The following FGF2 variants were observed in gnomAD, a reference collection of about 807,000 sequenced individuals.
FGF2 encodes fibroblast growth factor 2, also known as basic fibroblast growth factor bFGF.
In FGF2, 13 loss-of-function variants were observed where a neutral mutation model predicts 15.9. That is an observed-to-expected ratio of 0.82 (90% confidence interval 0.53 to 1.30). The LOEUF (loss-of-function observed/expected upper bound fraction) is 1.30. Among genes scored for constraint, FGF2 ranks in the 50% most tolerant of loss-of-function variants. The pLI, the probability that FGF2 is intolerant of heterozygous loss-of-function variation, is 0.00. For missense variants in FGF2, 163 were observed against 196.9 expected, an observed-to-expected ratio of 0.83 and a Z score of 1.03; for synonymous variants, 90 against 78.4, an observed-to-expected ratio of 1.15 and a Z score of -0.78.
chr4:122,889,763 G>T (rs1727131292), intron 2 of FGF2, among the ~76,000 whole-genome samples: 2 of 151,902 alleles, frequency 1.3e-5, no homozygotes, highest in Non-Finnish European at 2.9e-5. Context: ...TAAGCTGTGG[G>T]TTCTATCATG....
At chr4:122,842,907 A>T (rs1266887247) in intron 1 of FGF2, among the ~76,000 whole-genome samples, 2 of 152,186 alleles carry the variant, frequency 1.3e-5, no homozygotes, top group Non-Finnish European at 2.9e-5. Context: ...TTTGTAACTC[A>T]CCTTAAATAT....
At chr4:122,883,054 G>A (rs901155313) in intron 2 of FGF2, 2 of 152,192 alleles carry the variant, frequency 1.3e-5, no homozygotes, top group Non-Finnish European at 2.9e-5. Context: ...ATGCAGATGT[G>A]CCTCGTAACT....
rs1462015966 is a variant in FGF2 at position 122,896,158 on chromosome 4, AGTT to A, written c.*3768_*3770del. 7 of 151,754 alleles carry A rather than the reference AGTT, an allele frequency of 4.6e-5. No individual in the cohort carries two copies. In the South Asian group the frequency reaches 1.0e-3, roughly 23 times the overall value. The allele number at this position is 151,754 out of a possible 1,614,324, so 9.4% of individuals were successfully genotyped here. On this transcript the variant is annotated 3_prime_UTR_variant, in exon 3 of 3. Coordinates refer to ENST00000644866, the MANE Select transcript of FGF2 (RefSeq NM_001361665.2). ...GGCATATATGATCTCTGGGTAGGTGAGTTGTTGTGACAACCACAAGCACTTTTT... is the reference window on the plus strand; with the variant it reads ...GGCATATATGATCTCTGGGTAGGTGAGTTGTGACAACCACAAGCACTTTTT...
chr4:122,881,553 A>T (rs1002576632), intron 2 of FGF2, among the ~76,000 whole-genome samples: 3 of 152,210 alleles, frequency 2.0e-5, no homozygotes, highest in Admixed American at 6.5e-5. Context: ...TTGCTAAAAC[A>T]TAACAAGACT....
rs113672587 is a variant in FGF2 at position 122,827,240 on chromosome 4, G to A, written c.66G>A (p.Pro22=). 3 of 1,611,846 alleles carry A rather than the reference G, an allele frequency of 1.9e-6. No individual in the cohort carries two copies. In the South Asian group the frequency reaches 3.3e-5, roughly 18 times the overall value. ...AGGATGGCGGCAGCGGCGCCTTCCCGCCCGGCCACTTCAAGGACCCCAAGC... is the reference window on the plus strand; with the variant it reads ...AGGATGGCGGCAGCGGCGCCTTCCCACCCGGCCACTTCAAGGACCCCAAGC... The part of the protein sequence containing the change: ...LPEDGGSGAF[P]PGHFKDPKRL... The change falls in exon 1 of 3, where the codon CCG becomes CCA. Residue 22 remains proline, a synonymous_variant. Coordinates refer to ENST00000644866, the MANE Select transcript of FGF2 (RefSeq NM_001361665.2). This position sits in a 1 kb window ranked among gnomAD's most constrained non-coding sequence, Gnocchi z 4.2.
intron 2 of FGF2, among the ~76,000 whole-genome samples, chr4:122,891,992 C>T (rs928968184): frequency 6.6e-6 from 1 of 152,166 alleles, no homozygotes; most frequent in African/African-American, 2.4e-5. Context: ...TTGATGCTGT[C>T]CTGCTGACAT....
Position 122,850,247 on chromosome 4 carries a change from G to A in FGF2, c.178+22895G>A, listed in dbSNP as rs146024158. Reference sequence around the variant, plus strand: ...ACTGCACTCCATCCTGGGCAACAAAGTGAGACTCTGTCTCAAAAAAAAAAA... The same window carrying A: ...ACTGCACTCCATCCTGGGCAACAAAATGAGACTCTGTCTCAAAAAAAAAAA... On this transcript the variant is annotated intron_variant, in intron 1 of 2. Coordinates refer to ENST00000644866, the MANE Select transcript of FGF2 (RefSeq NM_001361665.2). 9.2e-3 allele frequency among the ~76,000 whole-genome samples: 1,378 copies of A among 150,510 alleles called. 26 individuals are homozygous for A. The highest frequency in any genetic ancestry group is 0.031 in the African/African-American group (1,260 of 40,728).
In FGF2 at chr4:122,867,082, T is replaced by G. The variant is rs146355693; in HGVS notation, c.179-9239T>G. ...GTGAAAGAGGCAGTCACATTTTGTT[T>G]ATATGAAATGTCCAGAATAGACAAA... On this transcript the variant is annotated intron_variant, in intron 1 of 2. Transcript: ENST00000644866. Among the ~76,000 whole-genome samples the G allele has an allele frequency of 1.7e-3, 260 of 152,326 alleles. 2 individuals are homozygous for G. The highest frequency in any genetic ancestry group is 1.8e-3 in the Non-Finnish European group (120 of 68,032).
At chr4:122,838,994 C>A (rs1411239969) in intron 1 of FGF2, among the ~76,000 whole-genome samples, 1 of 152,126 alleles carries the variant, frequency 6.6e-6, no homozygotes, top group Non-Finnish European at 1.5e-5. Flanking sequence ...TACTTAGCAC[C>A]ATGTTACAGT....
In FGF2 at chr4:122,897,396, G is replaced by T; in HGVS notation, c.*5000G>T. On this transcript the variant is annotated 3_prime_UTR_variant, in exon 3 of 3. Coordinates refer to ENST00000644866, the MANE Select transcript of FGF2 (RefSeq NM_001361665.2). ...AATCCAGAAGCAGTCATAAACAGAA[G>T]AATAGGTGGTATGTTCCTAATGATA... 1 of 526,126 alleles carries T rather than the reference G, an allele frequency of 1.9e-6. No individual in the cohort carries two copies. Among genetic ancestry groups the T allele is most frequent in the South Asian group, 2.4e-5 (1 of 42,162 alleles). 32.6% of individuals were successfully genotyped at this position (526,126 alleles called of 1,614,324 possible). A position where few individuals can be genotyped will look rare whatever the true frequency, so the allele number is the denominator to read the frequency against.
At chr4:122,855,763 T>A (rs1726325973) in intron 1 of FGF2, among the ~76,000 whole-genome samples, 1 of 152,188 alleles carries the variant, frequency 6.6e-6, no homozygotes, top group South Asian at 2.1e-4. Context: ...CCAGAGAAGT[T>A]CTTAACATTC....
chr4:122,875,310 TTCTC>T (rs1726816584), intron 1 of FGF2, among the ~76,000 whole-genome samples: 1 of 152,042 alleles, frequency 6.6e-6, no homozygotes, highest in African/African-American at 2.4e-5. Flanking sequence ...CAAGTCATCT[TTCTC>T]AGGATCTTAT....
intron 1 of FGF2, 106 bp from the exon 2 acceptor site, chr4:122,876,215 G>C: frequency 1.3e-6 from 1 of 750,900 alleles, no homozygotes; most frequent in East Asian, 2.6e-5. Context: ...CCTCCAAAGT[G>C]GATTAGTTGT....
intron 1 of FGF2, among the ~76,000 whole-genome samples, chr4:122,874,608 C>G (rs1308154177): frequency 6.6e-6 from 1 of 151,960 alleles, no homozygotes; most frequent in Non-Finnish European, 1.5e-5. Context: ...TCTTATTTAT[C>G]CTATCCACTT....
intron 1 of FGF2, among the ~76,000 whole-genome samples, chr4:122,846,130 C>T (rs1382183073): frequency 6.6e-6 from 1 of 152,156 alleles, no homozygotes; most frequent in African/African-American, 2.4e-5. Context: ...GACAGGGGAA[C>T]ATTCGTCAGT....
At chr4:122,857,771 A>T (rs1213177459) in intron 1 of FGF2, among the ~76,000 whole-genome samples, 1 of 152,240 alleles carries the variant, frequency 6.6e-6, no homozygotes, top group African/African-American at 2.4e-5. Context: ...TAAATTTTTT[A>T]AATTACATAA....
rs1727392069 is a variant in FGF2, at chr4:122,897,293, T to G, written c.*4897T>G. 4.1e-6 allele frequency: 1 copy of G among 244,102 alleles called. No homozygotes were observed. The highest frequency in any genetic ancestry group is 7.9e-6 in the Non-Finnish European group (1 of 127,298). The allele number at this position is 244,102 out of a possible 1,614,324, so 15.1% of individuals were successfully genotyped here. On this transcript the variant is annotated 3_prime_UTR_variant, in exon 3 of 3. Transcript: ENST00000644866. ...TCTCATAGTTTAATTCCAACAACAA[T>G]ATTAGTCGTATCCAAAATAACCTTT...
At chr4:122,831,269 A>G (rs1725760791) in intron 1 of FGF2, among the ~76,000 whole-genome samples, 1 of 151,968 alleles carries the variant, frequency 6.6e-6, no homozygotes, top group Admixed American at 6.6e-5. Context: ...ATTCCACCAT[A>G]GAGTGTGCCC....
chr4:122,889,354 C>A (rs576780042), intron 2 of FGF2, among the ~76,000 whole-genome samples: 1 of 152,032 alleles, frequency 6.6e-6, no homozygotes, highest in African/African-American at 2.4e-5. Context: ...TCTGAAGACC[C>A]CTTTTTATCC....
Sources: allele counts gnomAD v4.1 joint callset (sites outside exome capture counted in the v4.1 genomes callset), GRCh38; gene constraint gnomAD v4.1.1; non-coding constraint Gnocchi (gnomAD v3.1); transcripts MANE v1.5; gene names NCBI Gene and HGNC (gene_info 2026-07-23, HGNC 2026-07-21).